The following ZFAND2A variants were observed in gnomAD, a reference collection of about 807,000 sequenced individuals.
The protein encoded by ZFAND2A is AN1-type zinc finger protein 2A.
ZFAND2A carries 20 observed loss-of-function variants against 11.6 expected under a neutral mutation model. The ratio of observed to expected loss-of-function variants is 1.72; its 90% CI spans 1.21 to 2.50. The LOEUF (loss-of-function observed/expected upper bound fraction) is 2.50, where lower values mean the gene tolerates loss of function less well. ZFAND2A is among the 30% of genes most tolerant of loss of function. ZFAND2A has a pLI of 0.00. For missense variants in ZFAND2A, 234 were observed against 182.9 expected, an observed-to-expected ratio of 1.28 and a Z score of -1.61; for synonymous variants, 93 against 60.6, an observed-to-expected ratio of 1.54 and a Z score of -2.48.
intron 1 of ZFAND2A, 149 bp from the exon 2 acceptor site, chr7:1,158,406 A>C (rs1055248243): frequency 3.5e-6 from 2 of 575,668 alleles, no homozygotes; most frequent in African/African-American, 3.8e-5. Flanking sequence ...GGTGTCCGCC[A>C]TTCGTAGTCA....
chr7:1,158,945 G>T (rs1387892110), intron 1 of ZFAND2A, among the ~76,000 whole-genome samples: 2 of 151,976 alleles, frequency 1.3e-5, no homozygotes, highest in African/African-American at 4.8e-5. Context: ...GCCCCTCCCG[G>T]GGCCTTTTCC....
At chr7:1,154,182 CAT>C (rs1491102613) in intron 4 of ZFAND2A, among the ~76,000 whole-genome samples, 7 of 139,910 alleles carry the variant, frequency 5.0e-5, no homozygotes, top group African/African-American at 1.9e-4. Context: ...ACCCACCGGT[CAT>C]TTTTTTTTTT....
downstream of ZFAND2A, among the ~76,000 whole-genome samples, chr7:1,150,567 C>T (rs561223999): frequency 2.6e-5 from 4 of 152,308 alleles, no homozygotes; most frequent in East Asian, 1.9e-4. Context: ...CAAAATCAGA[C>T]GGTGGTGGAA....
chr7:1,153,147 G>A lies in ZFAND2A; in HGVS notation c.360C>T (p.Gly120=). Reference sequence around the variant, plus strand: ...GGTGTCTGTGCTGGATACAGAAGTTGCCGTGACATTGGGCACATACCATCT... The same window carrying A: ...GGTGTCTGTGCTGGATACAGAAGTTACCGTGACATTGGGCACATACCATCT... ...MLQMVCAQCH[G]NFCIQHRHPL... The change falls in exon 5 of 5, where the codon GGC becomes GGT. Residue 120 remains glycine, a synonymous_variant. Transcript: ENST00000316495. 1 of 1,614,224 alleles carries A rather than the reference G, an allele frequency of 6.2e-7. No individual in the cohort carries two copies. The highest frequency in any genetic ancestry group is 8.5e-7 in the Non-Finnish European group (1 of 1,180,042).
At chr7:1,156,135 AGCTGGGGGCTCCG>A (rs1793522555) in intron 3 of ZFAND2A, among the ~76,000 whole-genome samples, 1 of 134,290 alleles carries the variant, frequency 7.4e-6, no homozygotes, top group Non-Finnish European at 1.6e-5. Context: ...TAAAAACCTG[AGCTGGGGGCTCCG>A]AAGGGGTGGA....
chr7:1,153,232 A>AG lies in ZFAND2A; in HGVS notation c.283-9dup. ...GCAACGGTATGTAAAAATCTAAGAG[A>AG]GCAAAGTGACTTCAACAAGCAATTC... On this transcript the variant is annotated splice_polypyrimidine_tract_variant and intron_variant, in intron 4 of 4. Coordinates refer to ENST00000316495, the MANE Select transcript of ZFAND2A (RefSeq NM_182491.4). 6.2e-7 allele frequency: 1 copy of AG among 1,607,628 alleles called. No homozygotes were observed. Among genetic ancestry groups the AG allele is most frequent in the Non-Finnish European group, 8.5e-7 (1 of 1,174,542 alleles).
Position 1,157,759 on chromosome 7 carries a change from CA to C in ZFAND2A, c.56-10del. ...TTTTACTGGAAGAAAATCTAAAAAA[CA>C]AAAAACAGGGAAGTGTTTTAACGAC... On this transcript the variant is annotated splice_polypyrimidine_tract_variant and intron_variant, in intron 2 of 4. Coordinates refer to ENST00000316495, the MANE Select transcript of ZFAND2A (RefSeq NM_182491.4). The C allele has an allele frequency of 6.5e-7, 1 of 1,536,966 alleles. No individual in the cohort carries two copies. The highest frequency in any genetic ancestry group is 1.4e-5 in the African/African-American group (1 of 71,058).
chr7:1,151,247 C>T (rs1449745718), downstream of ZFAND2A, among the ~76,000 whole-genome samples: 1 of 152,078 alleles, frequency 6.6e-6, no homozygotes, highest in African/African-American at 2.4e-5. Flanking sequence ...GGAAGACACA[C>T]CTTCTCTCAC....
At chr7:1,156,080 G>A (rs1389515040) in intron 3 of ZFAND2A, among the ~76,000 whole-genome samples, 2 of 152,268 alleles carry the variant, frequency 1.3e-5, no homozygotes, top group African/African-American at 2.4e-5. Flanking sequence ...CTGGCTGCAG[G>A]CCAAGGTTGT....
chr7:1,155,545 T>C lies in ZFAND2A; in HGVS notation c.190A>G (p.Ile64Val), dbSNP rs1397808110. 5.6e-6 allele frequency: 9 copies of C among 1,613,430 alleles called. No homozygotes were observed. The East Asian group carries it at 2.0e-4, about 36-fold the overall frequency. The change falls in exon 4 of 5, where the codon ATC (isoleucine) becomes GTC (valine). Residue 64 changes from isoleucine (I) to valine (V), a missense_variant. Physicochemically the swap from Ile to Val is conservative, Grantham distance 29. Coordinates refer to ENST00000316495, the MANE Select transcript of ZFAND2A (RefSeq NM_182491.4). ...VPVCPLCNTPIPVKKGQIPDV... is the reference protein window; with the variant it reads ...VPVCPLCNTPVPVKKGQIPDV... ...GGTATCTGGCCCTTTTTTACTGGGA[T>C]GGGGGTATTACAGAGTGGGCATACT...
chr7:1,149,636 G>A (rs1490483548), downstream of ZFAND2A, among the ~76,000 whole-genome samples: 1 of 152,206 alleles, frequency 6.6e-6, no homozygotes, highest in Non-Finnish European at 1.5e-5. Flanking sequence ...CACAGAGCTC[G>A]ATGGTGCGGC....
downstream of ZFAND2A, among the ~76,000 whole-genome samples, chr7:1,149,702 T>C (rs552577496): frequency 2.4e-3 from 362 of 152,352 alleles, 3 homozygotes; most frequent in Admixed American, 3.9e-3. Context: ...TACAAATGCG[T>C]GCAGAGTGCT....
At chr7:1,149,133 C>T (rs1318915494), downstream of ZFAND2A, among the ~76,000 whole-genome samples, 3 of 152,126 alleles carry the variant, frequency 2.0e-5, no homozygotes, top group African/African-American at 7.2e-5. Flanking sequence ...ATTATCAGAA[C>T]TTTGTTTCTC....
chr7:1,155,699 G>A, intron 3 of ZFAND2A, 115 bp from the exon 4 acceptor site: 1 of 1,380,360 alleles, frequency 7.2e-7, no homozygotes. Context: ...ACAAAAACCG[G>A]TCTCCCGAGC....
chr7:1,149,655 C>T (rs1793361971), downstream of ZFAND2A, among the ~76,000 whole-genome samples: 1 of 152,212 alleles, frequency 6.6e-6, no homozygotes, highest in South Asian at 2.1e-4. Context: ...GCCTCCTCCA[C>T]ACCCAGGCTG....
At chr7:1,149,698 T>G (rs567944589), downstream of ZFAND2A, among the ~76,000 whole-genome samples, 1 of 152,168 alleles carries the variant, frequency 6.6e-6, no homozygotes, top group Admixed American at 6.5e-5. Flanking sequence ...AGGCTACAAA[T>G]GCGTGCAGAG....
downstream of ZFAND2A, among the ~76,000 whole-genome samples, chr7:1,150,959 C>G (rs1272574572): frequency 6.7e-6 from 1 of 148,482 alleles, no homozygotes; most frequent in Non-Finnish European, 1.5e-5. Context: ...ACAATCTGGG[C>G]TCACTGCAAC....
chr7:1,157,536 T>G (rs1032583889), intron 3 of ZFAND2A, 120 bp downstream of exon 3: 4 of 1,049,188 alleles, frequency 3.8e-6, no homozygotes, highest in South Asian at 1.5e-5. Context: ...ACTGAAAAAC[T>G]GGATTTTAAA....
At chr7:1,156,836 T>C (rs1043786124) in intron 3 of ZFAND2A, among the ~76,000 whole-genome samples, 5 of 152,154 alleles carry the variant, frequency 3.3e-5, no homozygotes, top group Non-Finnish European at 5.9e-5. Flanking sequence ...CCCCACCCCA[T>C]GCTGGGGCAG....
Sources: allele counts gnomAD v4.1 joint callset (sites outside exome capture counted in the v4.1 genomes callset), GRCh38; gene constraint gnomAD v4.1.1; transcripts MANE v1.5; gene names NCBI Gene and HGNC (gene_info 2026-07-23, HGNC 2026-07-21).